The following USP18 variants were observed in gnomAD, a reference collection of about 807,000 sequenced individuals.
The protein encoded by USP18 is ubl carboxyl-terminal hydrolase 18.
In USP18, 11 loss-of-function variants were observed where a neutral mutation model predicts 48.7. The ratio of observed to expected loss-of-function variants is 0.23; its 90% CI spans 0.14 to 0.37. The LOEUF (loss-of-function observed/expected upper bound fraction) is 0.37, where lower values mean the gene tolerates loss of function less well. Among genes scored for constraint, USP18 ranks in the 10% least tolerant of loss-of-function variants. The probability of loss-of-function intolerance (pLI) is 1.00; values close to 1 mark genes in which losing one functional copy is unlikely to be tolerated. For synonymous variants in USP18, 114 were observed against 163.2 expected, an observed-to-expected ratio of 0.70 and a Z score of 2.30; for missense variants, 285 against 436.4, an observed-to-expected ratio of 0.65 and a Z score of 3.09.
chr22:18,175,674 A>G (rs1429548388), intron 10 of USP18, among the ~76,000 whole-genome samples: 8 of 148,380 alleles, frequency 5.4e-5, no homozygotes, highest in African/African-American at 2.1e-4. Flanking sequence ...AGTTACATTT[A>G]CTTGCAAAAA....
intron 1 of USP18, among the ~76,000 whole-genome samples, chr22:18,156,730 A>G (rs775121088): frequency 6.6e-6 from 1 of 152,200 alleles, no homozygotes. Context: ...ACCCACCAGA[A>G]GGAAGAAACT....
At chr22:18,169,801 A>G in intron 6 of USP18, 43 bp from the exon 7 acceptor site, 2 of 1,548,240 alleles carry the variant, frequency 1.3e-6, no homozygotes, top group South Asian at 2.4e-5. Context: ...TCTAGGTGGG[A>G]AATACCAACG....
chr22:18,170,274 C>T (rs1306903198), intron 7 of USP18, among the ~76,000 whole-genome samples: 4 of 151,904 alleles, frequency 2.6e-5, no homozygotes, highest in Non-Finnish European at 5.9e-5. Context: ...GGTTGCCCCC[C>T]GTGGATTTCC....
chr22:18,156,917 A>C (rs1021233218), intron 1 of USP18, among the ~76,000 whole-genome samples: 23 of 151,994 alleles, frequency 1.5e-4, no homozygotes, highest in African/African-American at 5.3e-4. Flanking sequence ...TCTTCCCCCA[A>C]GCAAACAGTG....
chr22:18,167,181 G>A, intron 4 of USP18, 74 bp from the exon 5 acceptor site: 1 of 1,567,194 alleles, frequency 6.4e-7, no homozygotes. Context: ...GTGTTCATGT[G>A]TGTCTAAGTA....
intron 1 of USP18, among the ~76,000 whole-genome samples, chr22:18,157,312 C>T (rs1420350560): frequency 6.6e-6 from 1 of 152,180 alleles, no homozygotes; most frequent in Non-Finnish European, 1.5e-5. Context: ...GCGCGCTTCC[C>T]TGTCCTTTCC....
intron 4 of USP18, among the ~76,000 whole-genome samples, chr22:18,164,553 T>C (rs1427095160): frequency 6.6e-6 from 1 of 151,300 alleles, no homozygotes; most frequent in Non-Finnish European, 1.5e-5. Context: ...GGAAATCTAT[T>C]GTTTACCTGC....
intron 3 of USP18, 133 bp downstream of exon 3, chr22:18,160,401 G>A (rs1432685488): frequency 2.0e-6 from 2 of 1,013,282 alleles, no homozygotes; most frequent in East Asian, 2.7e-5. Context: ...TGCCTCCCGG[G>A]TTCAAGCGAT....
chr22:18,152,544 G>T (rs778224352), intron 1 of USP18, among the ~76,000 whole-genome samples: 1 of 151,648 alleles, frequency 6.6e-6, no homozygotes. Context: ...TTGAGACAGA[G>T]TCTCAAACAA....
chr22:18,153,258 G>A lies in USP18; in HGVS notation c.-107+3036G>A, dbSNP rs10470274. ...AGCCTGGCCAACATGGTGAAACCCCGTCTCTACTAAAAATACAAAAATTAG... is the reference window on the plus strand; with the variant it reads ...AGCCTGGCCAACATGGTGAAACCCCATCTCTACTAAAAATACAAAAATTAG... On this transcript the variant is annotated intron_variant, in intron 1 of 10. Coordinates refer to ENST00000215794, the MANE Select transcript of USP18 (RefSeq NM_017414.4). Among the ~76,000 whole-genome samples, 323 of 152,130 alleles carry A rather than the reference G, an allele frequency of 2.1e-3. 1 individual carries two copies. Among genetic ancestry groups the A allele is most frequent in the African/African-American group, 6.9e-3 (287 of 41,498 alleles).
intron 4 of USP18, among the ~76,000 whole-genome samples, chr22:18,164,848 CT>C (rs1294605913): frequency 2.0e-5 from 3 of 152,092 alleles, no homozygotes; most frequent in Admixed American, 6.5e-5. Flanking sequence ...AAAGCTGGGG[CT>C]GCCTATGTGT....
Position 18,162,353 on chromosome 22 carries a change from T to TA in USP18, c.400+423dup, listed in dbSNP as rs527273539. On this transcript the variant is annotated intron_variant, in intron 4 of 10. Transcript: ENST00000215794. ...TCACATACTGTAAAATTCATCCATTTAAAAACATACAATTCAAAGGTTTGT... is the reference window on the plus strand; with the variant it reads ...TCACATACTGTAAAATTCATCCATTTAAAAAACATACAATTCAAAGGTTTGT... Among the ~76,000 whole-genome samples the TA allele has an allele frequency of 4.0e-3, 615 of 151,952 alleles. 4 individuals carry two copies. Among genetic ancestry groups the TA allele is most frequent in the Non-Finnish European group, 7.6e-3 (517 of 67,956 alleles).
intron 9 of USP18, 99 bp downstream of exon 9, chr22:18,173,380 T>C: frequency 1.3e-6 from 2 of 1,538,584 alleles, no homozygotes; most frequent in South Asian, 2.6e-5. Flanking sequence ...CAAGACACAC[T>C]GTGATCCTGC....
chr22:18,163,123 T>C (rs1929373320), intron 4 of USP18, among the ~76,000 whole-genome samples: 1 of 152,002 alleles, frequency 6.6e-6, no homozygotes, highest in Non-Finnish European at 1.5e-5. Flanking sequence ...TTTGAACTTT[T>C]TTCTGTCTCT....
At chr22:18,152,693 C>T (rs1417874299) in intron 1 of USP18, among the ~76,000 whole-genome samples, 2 of 152,030 alleles carry the variant, frequency 1.3e-5, no homozygotes, top group Non-Finnish European at 2.9e-5. Flanking sequence ...TCTCTCTGCT[C>T]GCCTTGCCCT....
intron 10 of USP18, among the ~76,000 whole-genome samples, chr22:18,174,330 C>A (rs1411399617): frequency 6.6e-6 from 1 of 151,368 alleles, no homozygotes; most frequent in African/African-American, 2.4e-5. Flanking sequence ...CAGGTTCAAG[C>A]GATTCTCCTG....
In USP18 at chr22:18,173,812, A is replaced by G. The variant is rs1929706031; in HGVS notation, c.1043A>G (p.Gln348Arg). ...NICLVSWEDI[Q>R]CTYGNPNYHW... ...TTCCAGGTGTCCTGGGAAGACATCCAGTGTACCTACGGAAATCCTAACTAC... is the reference window on the plus strand; with the variant it reads ...TTCCAGGTGTCCTGGGAAGACATCCGGTGTACCTACGGAAATCCTAACTAC... The change falls in exon 10 of 11, where the codon CAG (glutamine) becomes CGG (arginine). Residue 348 changes from glutamine to arginine, a missense_variant. By Grantham distance (43) the Gln-to-Arg change is conservative. This residue lies in a region of USP18 where 44 missense variants were observed against 64.4 expected (regional missense o/e 0.68). Coordinates refer to ENST00000215794, the MANE Select transcript of USP18 (RefSeq NM_017414.4). 3.1e-6 allele frequency: 5 copies of G among 1,607,970 alleles called. No individual in the cohort carries two copies. Among genetic ancestry groups the G allele is most frequent in the Non-Finnish European group, 4.3e-6 (5 of 1,175,670 alleles).
At chr22:18,174,999 T>C (rs1486088347) in intron 10 of USP18, among the ~76,000 whole-genome samples, 1 of 152,186 alleles carries the variant, frequency 6.6e-6, no homozygotes, top group Non-Finnish European at 1.5e-5. Flanking sequence ...TTGCAAGCTC[T>C]GCCTCGTGGG....
At chr22:18,166,592 C>G (rs1246931072) in intron 4 of USP18, among the ~76,000 whole-genome samples, 2 of 151,680 alleles carry the variant, frequency 1.3e-5, no homozygotes, top group Non-Finnish European at 2.9e-5. Context: ...GTTGTTGTTG[C>G]TGTTTTATCG....
Sources: gnomAD v4.1 joint callset for allele counts (sites outside exome capture counted in the v4.1 genomes callset) on GRCh38, gnomAD v4.1.1 for gene constraint, gnomAD v4.1.1 regional missense constraint, MANE v1.5 for transcripts, NCBI Gene and HGNC (gene_info 2026-07-23, HGNC 2026-07-21) for gene names.